Variants in MIS18BP1 observed in about 807,000 individuals in gnomAD.
The protein encoded by MIS18BP1 is mis18-binding protein 1.
A neutral mutation model predicts 116.1 loss-of-function variants in MIS18BP1; 72 were observed. That is an observed-to-expected ratio of 0.62 (90% CI 0.51 to 0.75). The LOEUF is 0.75. Ranked by LOEUF, MIS18BP1 falls within the 30% of genes least tolerant of loss-of-function variation. The pLI, the probability that MIS18BP1 is intolerant of heterozygous loss-of-function variation, is 0.00. For synonymous variants in MIS18BP1, 386 were observed against 427.0 expected (o/e 0.90, Z 1.18); for missense variants, 1,363 against 1,303.2 (o/e 1.05, Z -0.71).
chr14:45,232,416 CA>C (rs532665472), intron 7 of MIS18BP1: 8,015 of 95,830 alleles, frequency 0.084, 58 homozygotes, highest in African/African-American at 0.12. Flanking sequence ...GATTCCATCT[CA>C]AAAAAAAAAA....
At chr14:45,213,073 A>T (rs1890719557) in intron 13 of MIS18BP1, among the ~76,000 whole-genome samples, 1 of 152,160 alleles carries the variant, frequency 6.6e-6, no homozygotes, top group African/African-American at 2.4e-5. Flanking sequence ...TATAAGTATT[A>T]TTTAACAAAA....
chr14:45,219,265 TAG>T (rs1323817786), intron 11 of MIS18BP1, among the ~76,000 whole-genome samples: 1 of 152,336 alleles, frequency 6.6e-6, no homozygotes, highest in East Asian at 1.9e-4. Context: ...TTCCAATTAA[TAG>T]ATATAGGTTT....
Position 45,253,073 on chromosome 14 carries a change from TC to T in MIS18BP1, c.-131del, listed in dbSNP as rs1318657215. ...CCTGGCAGGGAGAGACTGCCGCAGTTCCGGCTCGGCTCCGCGCGGAGAGAGG... is the reference window on the plus strand; with the variant it reads ...CCTGGCAGGGAGAGACTGCCGCAGTTCGGCTCGGCTCCGCGCGGAGAGAGG... On this transcript the variant is annotated 5_prime_UTR_variant, in exon 1 of 17. Transcript: ENST00000310806. 3 of 152,316 alleles carry T rather than the reference TC, an allele frequency of 2.0e-5. No individual in the cohort carries two copies. Among genetic ancestry groups the T allele is most frequent in the African/African-American group, 7.2e-5 (3 of 41,458 alleles). The allele number at this position is 152,316 out of a possible 1,614,324, so 9.4% of individuals were successfully genotyped here. A position where few individuals can be genotyped will look rare whatever the true frequency, so the allele number is the denominator to read the frequency against.
chr14:45,207,514 G>C (rs112208017), intron 14 of MIS18BP1, among the ~76,000 whole-genome samples: 1 of 152,078 alleles, frequency 6.6e-6, no homozygotes, highest in Non-Finnish European at 1.5e-5. Context: ...AGCCAGGCAC[G>C]GTGGCATGCG....
chr14:45,215,560 A>C (rs1335042714), intron 13 of MIS18BP1, among the ~76,000 whole-genome samples: 4 of 150,228 alleles, frequency 2.7e-5, no homozygotes, highest in Non-Finnish European at 5.9e-5. Flanking sequence ...TTATAGGTGC[A>C]TGCCACCACA....
intron 11 of MIS18BP1, among the ~76,000 whole-genome samples, chr14:45,220,103 C>CT (rs11339012): frequency 3.6e-4 from 53 of 149,234 alleles, no homozygotes; most frequent in East Asian, 2.0e-3. Flanking sequence ...ATTTACCTTT[C>CT]TTTTTTTTTT....
intron 4 of MIS18BP1, 82 bp downstream of exon 4, chr14:45,241,952 T>A: frequency 1.4e-6 from 2 of 1,423,916 alleles, no homozygotes; most frequent in Non-Finnish European, 1.9e-6. Flanking sequence ...AGAAAAAAAA[T>A]AATGAGAGAA....
At chr14:45,224,932 T>A (rs1179743163) in intron 10 of MIS18BP1, among the ~76,000 whole-genome samples, 186 bp from the exon 11 acceptor site, 3 of 152,216 alleles carry the variant, frequency 2.0e-5, no homozygotes, top group Non-Finnish European at 4.4e-5. Context: ...CCTTCAACTG[T>A]AAACATATAC....
chr14:45,242,974 G>C (rs1193872508), intron 2 of MIS18BP1, 100 bp from the exon 3 acceptor site: 3 of 731,084 alleles, frequency 4.1e-6, no homozygotes, highest in Non-Finnish European at 6.8e-6. Context: ...CTTAGATTTA[G>C]TAATGATCAG....
chr14:45,237,878 G>A lies in MIS18BP1; in HGVS notation c.1144-157C>T, dbSNP rs151199454. Among the ~76,000 whole-genome samples, 464 of 152,240 alleles carry A rather than the reference G, an allele frequency of 3.0e-3. 1 individual carries two copies. The highest frequency in any genetic ancestry group is 5.1e-3 in the Non-Finnish European group (344 of 67,998). On this transcript the variant is annotated intron_variant, in intron 4 of 16. Coordinates refer to ENST00000310806, the MANE Select transcript of MIS18BP1 (RefSeq NM_018353.5). The stretch of plus-strand genomic sequence containing the variant: ...TCACATTCTATTCTAAATAGCAATA[G>A]GTAAAATTCTTGTATACAATGAAAC...
At chr14:45,220,483 A>G (rs1890943704) in intron 11 of MIS18BP1, among the ~76,000 whole-genome samples, 1 of 152,186 alleles carries the variant, frequency 6.6e-6, no homozygotes, top group Non-Finnish European at 1.5e-5. Context: ...TGAATGATTT[A>G]GCAACATCCC....
At chr14:45,232,357 C>T (rs1378152068) in intron 7 of MIS18BP1, among the ~76,000 whole-genome samples, 1 of 130,272 alleles carries the variant, frequency 7.7e-6, no homozygotes, top group Non-Finnish European at 1.5e-5. Flanking sequence ...GCGGAGCTTG[C>T]AATGAGCTGA....
At chr14:45,229,811 G>T (rs377585788) in intron 8 of MIS18BP1, among the ~76,000 whole-genome samples, 32 of 152,164 alleles carry the variant, frequency 2.1e-4, no homozygotes, top group African/African-American at 7.5e-4. Context: ...AAGCCCCAAG[G>T]TTCCAGCATA....
chr14:45,242,736 T>A (rs747264119), intron 3 of MIS18BP1, 25 bp downstream of exon 3: 2 of 1,578,052 alleles, frequency 1.3e-6, no homozygotes, highest in East Asian at 2.2e-5. Context: ...AGTAACAAAC[T>A]GAAAACAAAC....
At chr14:45,244,820 A>G (rs1404076971) in intron 2 of MIS18BP1, among the ~76,000 whole-genome samples, 1 of 152,108 alleles carries the variant, frequency 6.6e-6, no homozygotes, top group Non-Finnish European at 1.5e-5. Flanking sequence ...ATAATAATCC[A>G]CCAACATCTG....
At chr14:45,225,100 G>T (rs1476641464) in intron 10 of MIS18BP1, among the ~76,000 whole-genome samples, 1 of 152,128 alleles carries the variant, frequency 6.6e-6, no homozygotes, top group Non-Finnish European at 1.5e-5. Context: ...CTATTTCTCA[G>T]ATTTTCTTGG....
Position 45,226,775 on chromosome 14 carries a change from G to A in MIS18BP1, c.1808C>T (p.Thr603Ile), listed in dbSNP as rs144591732. 7 of 1,408,054 alleles carry A rather than the reference G, an allele frequency of 5.0e-6. No homozygotes were observed. Among genetic ancestry groups the A allele is most frequent in the Non-Finnish European group, 4.7e-6 (5 of 1,058,770 alleles). 87.2% of individuals were successfully genotyped at this position (1,408,054 alleles called of 1,614,324 possible). ...SSKKLKIGER[T>I]NERIIKSQKQ... ...CTGACTTTTTATTATCCTTTCATTT[G>A]TTCTTTCACCAATTTTTAGTTTCTT... The change falls in exon 10 of 17, where the codon ACA (threonine) becomes ATA (isoleucine). Residue 603 changes from threonine (T) to isoleucine (I), a missense_variant. Coordinates refer to ENST00000310806, the MANE Select transcript of MIS18BP1 (RefSeq NM_018353.5).
chr14:45,241,908 T>C (rs182288428), intron 4 of MIS18BP1, 126 bp downstream of exon 4: 1 of 1,013,648 alleles, frequency 9.9e-7, no homozygotes, highest in East Asian at 2.4e-5. Flanking sequence ...GAAGACACTG[T>C]TAATAATGAA....
chr14:45,237,906 A>G (rs1475342956), intron 4 of MIS18BP1, among the ~76,000 whole-genome samples, 185 bp from the exon 5 acceptor site: 1 of 152,122 alleles, frequency 6.6e-6, no homozygotes, highest in East Asian at 1.9e-4. Flanking sequence ...AATGAAACAG[A>G]AAAGAAAAGA....
Sources: allele counts gnomAD v4.1 joint callset (sites outside exome capture counted in the v4.1 genomes callset), GRCh38; gene constraint gnomAD v4.1.1; transcripts MANE v1.5; gene names NCBI Gene and HGNC (gene_info 2026-07-23, HGNC 2026-07-21).